F5: variants seen among roughly 807,000 people sequenced by gnomAD.
F5 encodes activated protein c cofactor.
F5 carries 138 observed loss-of-function variants against 216.4 expected under a neutral mutation model. The observed-to-expected ratio is 0.64, with a 90% CI of 0.56 to 0.73. F5 has a LOEUF of 0.73. Ranked by LOEUF, F5 falls within the 30% of genes least tolerant of loss-of-function variation. The pLI, the probability that F5 is intolerant of heterozygous loss-of-function variation, is 0.00. For synonymous variants in F5, 916 were observed against 930.7 expected (o/e 0.98, Z 0.29); for missense variants, 2,403 against 2,674.0 (o/e 0.90, Z 2.24).
intron 1 of F5, among the ~76,000 whole-genome samples, chr1:169,585,230 T>C (rs532218041): frequency 1.4e-4 from 22 of 152,358 alleles, no homozygotes; most frequent in Admixed American, 4.6e-4. Context: ...AGATGGTATG[T>C]AATACCCTCC....
At chr1:169,515,697 T>C in intron 23 of F5, 71 bp from the exon 24 acceptor site, 2 of 1,494,512 alleles carry the variant, frequency 1.3e-6, no homozygotes, top group Non-Finnish European at 1.8e-6. Flanking sequence ...GACCAAGTTA[T>C]GCAAAAAAGC....
At chr1:169,564,086 TC>T (rs1660545268) in intron 3 of F5, among the ~76,000 whole-genome samples, 1 of 152,138 alleles carries the variant, frequency 6.6e-6, no homozygotes, top group Non-Finnish European at 1.5e-5. Flanking sequence ...ACCCACTGTT[TC>T]TAAATCCTTC....
chr1:169,559,552 A>C (rs531342395), intron 4 of F5, among the ~76,000 whole-genome samples: 1 of 152,214 alleles, frequency 6.6e-6, no homozygotes, highest in Admixed American at 6.5e-5. Context: ...GGAAGAAAAC[A>C]TTTGGTGACT....
At position 169,560,787 on chromosome 1, in the gene F5, A is replaced by G. The variant is rs989648581; in HGVS notation, c.374-21T>C. ...AGCACCTGGAGGAGTAACAGCCATC[A>G]AGACATGTGGGCAGTTTCTGAGGAT... On this transcript the variant is annotated intron_variant, in intron 3 of 24. Coordinates refer to ENST00000367797, the MANE Select transcript of F5 (RefSeq NM_000130.5). 8.1e-6 allele frequency: 13 copies of G among 1,609,738 alleles called. No homozygotes were observed. The African/African-American group carries it at 1.5e-4, about 18-fold the overall frequency.
chr1:169,534,389 C>G (rs538137212), intron 14 of F5, among the ~76,000 whole-genome samples: 2 of 152,104 alleles, frequency 1.3e-5, no homozygotes, highest in Non-Finnish European at 2.9e-5. Context: ...ATTGTTCAGC[C>G]GGGCGCAATG....
intron 3 of F5, among the ~76,000 whole-genome samples, chr1:169,571,649 AC>A (rs1175002057): frequency 6.6e-6 from 1 of 152,110 alleles, no homozygotes; most frequent in Admixed American, 6.6e-5. Flanking sequence ...CATGGGCCAA[AC>A]CCAACCAATT....
At chr1:169,551,717 T>C (rs1362657985) in intron 8 of F5, among the ~76,000 whole-genome samples, 1 of 152,242 alleles carries the variant, frequency 6.6e-6, no homozygotes, top group East Asian at 1.9e-4. Flanking sequence ...ATTTGGTTGA[T>C]TGTCAAAGCC....
intron 23 of F5, among the ~76,000 whole-genome samples, chr1:169,518,121 G>A (rs898729142): frequency 6.6e-6 from 1 of 152,086 alleles, no homozygotes; most frequent in Non-Finnish European, 1.5e-5. Context: ...GGCCCACAAA[G>A]ACTAAAATAT....
intron 14 of F5, among the ~76,000 whole-genome samples, chr1:169,533,688 C>T (rs2101813361): frequency 6.6e-6 from 1 of 152,216 alleles, no homozygotes; most frequent in South Asian, 2.1e-4. Context: ...ATCAATACCA[C>T]AGTGAAATAC....
At position 169,537,124 on chromosome 1, in the gene F5, G is replaced by A. The variant is rs557998461; in HGVS notation, c.4797-444C>T. On this transcript the variant is annotated intron_variant, in intron 13 of 24. Transcript: ENST00000367797. ...TAGTTTGCTCATAGTACTCTCTCCA[G>A]TGGTAAGCACATTATCTGACACACA... is the stretch of plus-strand genomic sequence containing the variant. 2.0e-5 allele frequency among the ~76,000 whole-genome samples: 3 copies of A among 152,220 alleles called. No homozygotes were observed. The East Asian group carries it at 5.8e-4, about 29-fold the overall frequency.
intron 3 of F5, 31 bp from the exon 4 acceptor site, chr1:169,560,797 G>A (rs1327154207): frequency 1.2e-6 from 2 of 1,605,386 alleles, no homozygotes; most frequent in East Asian, 2.2e-5. Flanking sequence ...AAGACATGTG[G>A]GCAGTTTCTG....
chr1:169,520,715 C>T (rs778808225), intron 21 of F5, 51 bp from the exon 22 acceptor site: 1 of 1,504,652 alleles, frequency 6.6e-7, no homozygotes, highest in Non-Finnish European at 9.2e-7. Flanking sequence ...TATAAAGTGA[C>T]TTTATATTAA....
chr1:169,583,951 C>T (rs977527325), intron 1 of F5, among the ~76,000 whole-genome samples: 9 of 152,130 alleles, frequency 5.9e-5, no homozygotes, highest in Admixed American at 1.3e-4. Flanking sequence ...AAGGTTAAAG[C>T]GTGGAAGTTG....
In F5 at chr1:169,556,653, A is replaced by G; in HGVS notation, c.945T>C (p.His315=). The change falls in exon 6 of 25, where the codon CAT becomes CAC. Residue 315 remains histidine (H), a synonymous_variant. Coordinates refer to ENST00000367797, the MANE Select transcript of F5 (RefSeq NM_000130.5). ...KWIISSLTPK[H]LQAGMQAYID... ...GTCAGGAGAGTTTCTTGCCTTGCAAATGTTTTGGGGTGAGAGAAGATATGA... is the reference window on the plus strand; with the variant it reads ...GTCAGGAGAGTTTCTTGCCTTGCAAGTGTTTTGGGGTGAGAGAAGATATGA... The G allele has an allele frequency of 6.2e-7, 1 of 1,613,960 alleles. No individual in the cohort carries two copies. Among genetic ancestry groups the G allele is most frequent in the South Asian group, 1.1e-5 (1 of 91,068 alleles).
rs1659049059 is a variant in F5, at chr1:169,512,426, T to C, written c.*1887A>G. Reference sequence around the variant, plus strand: ...GAGAAGCCCAGGACTAGCTGCGTAATTTGTGGGGCTCATTGAAAAATGGAA... The same window carrying C: ...GAGAAGCCCAGGACTAGCTGCGTAACTTGTGGGGCTCATTGAAAAATGGAA... On this transcript the variant is annotated 3_prime_UTR_variant, in exon 25 of 25. Transcript: ENST00000367797. 6.6e-6 allele frequency among the ~76,000 whole-genome samples: 1 copy of C among 152,012 alleles called. No homozygotes were observed. The highest frequency in any genetic ancestry group is 2.4e-5 in the African/African-American group (1 of 41,400).
At chr1:169,562,114 C>A (rs1280166847) in intron 3 of F5, among the ~76,000 whole-genome samples, 4 of 152,052 alleles carry the variant, frequency 2.6e-5, no homozygotes, top group African/African-American at 4.8e-5. Context: ...AAAACAATTA[C>A]CCAGTCTTAT....
Position 169,545,959 on chromosome 1 carries a change from C to A in F5, c.1762+483G>T, listed in dbSNP as rs1430682575. ...TTTGTTCTGAAAATCTTACTGATCA[C>A]TTGAAATGTCTTCATGCATGCCTTT... On this transcript the variant is annotated intron_variant, in intron 11 of 24. Transcript: ENST00000367797. Among the ~76,000 whole-genome samples, 4 of 152,164 alleles carry A rather than the reference C, an allele frequency of 2.6e-5. No homozygotes were observed. The East Asian group carries it at 7.7e-4, about 29-fold the overall frequency.
intron 3 of F5, among the ~76,000 whole-genome samples, chr1:169,569,188 A>G (rs9332543): frequency 0.01 from 1,542 of 152,206 alleles, 22 homozygotes; most frequent in African/African-American, 0.034. Context: ...GAAGTGAAAA[A>G]ATGTAATCAC....
chr1:169,525,271 A>T (rs1659418511), intron 18 of F5, among the ~76,000 whole-genome samples: 1 of 151,968 alleles, frequency 6.6e-6, no homozygotes, highest in Non-Finnish European at 1.5e-5. Flanking sequence ...CCGAGGGGGG[A>T]GGATTACTTG....
Sources: allele counts gnomAD v4.1 joint callset (sites outside exome capture counted in the v4.1 genomes callset), GRCh38; gene constraint gnomAD v4.1.1; transcripts MANE v1.5; gene names NCBI Gene and HGNC (gene_info 2026-07-23, HGNC 2026-07-21).